Variants in RIMBP2 observed in about 807,000 individuals in gnomAD.
RIMBP2 encodes the protein RIMS binding protein 2, also known as RIMS-binding protein 2.
In RIMBP2, 48 loss-of-function variants were observed where a neutral mutation model predicts 118.6. The observed-to-expected ratio is 0.40, with a 90% CI of 0.32 to 0.51. The LOEUF is 0.51. Ranked by LOEUF, RIMBP2 falls within the 20% of genes least tolerant of loss-of-function variation. The probability of loss-of-function intolerance (pLI) is 0.41; values close to 1 mark genes in which losing one functional copy is unlikely to be tolerated. For synonymous variants in RIMBP2, 762 were observed against 742.9 expected (o/e 1.03, Z -0.42); for missense variants, 1,551 against 1,768.3 (o/e 0.88, Z 2.20).
chr12:130,484,062 C>G (rs562081800), intron 4 of RIMBP2, among the ~76,000 whole-genome samples: 29 of 152,326 alleles, frequency 1.9e-4, no homozygotes, highest in African/African-American at 6.7e-4. Context: ...GAAGGATAGA[C>G]TGGAGGCGAA....
intron 2 of RIMBP2, among the ~76,000 whole-genome samples, chr12:130,582,493 C>A (rs1403642143): frequency 6.6e-6 from 1 of 152,208 alleles, no homozygotes; most frequent in Admixed American, 6.5e-5. Flanking sequence ...AAGCATGCAT[C>A]CCCCAAGAGG....
At chr12:130,400,060 T>C (rs2074382175) in intron 21 of RIMBP2, among the ~76,000 whole-genome samples, 1 of 152,202 alleles carries the variant, frequency 6.6e-6, no homozygotes, top group Admixed American at 6.5e-5. Flanking sequence ...ATCTGCCTTT[T>C]GGCCAAAGAG....
At chr12:130,687,040 C>T (rs2065084597) in intron 1 of RIMBP2, among the ~76,000 whole-genome samples, 1 of 152,218 alleles carries the variant, frequency 6.6e-6, no homozygotes, top group African/African-American at 2.4e-5. Flanking sequence ...ACTACATTTT[C>T]TTTTCAGCTA....
chr12:130,487,580 GCTT>G (rs1395772952), intron 4 of RIMBP2, among the ~76,000 whole-genome samples: 1 of 152,124 alleles, frequency 6.6e-6, no homozygotes, highest in Non-Finnish European at 1.5e-5. Flanking sequence ...AGATAAATTC[GCTT>G]CTTTTCTTTA....
At chr12:130,639,246 G>A (rs996357788) in intron 1 of RIMBP2, among the ~76,000 whole-genome samples, 15 of 151,702 alleles carry the variant, frequency 9.9e-5, no homozygotes, top group African/African-American at 2.4e-4. Flanking sequence ...AAAATTAGCC[G>A]GGCATGGTGG....
intron 2 of RIMBP2, among the ~76,000 whole-genome samples, chr12:130,553,152 CA>C (rs56149968): frequency 0.096 from 10,910 of 113,874 alleles, 530 homozygotes; most frequent in South Asian, 0.2. Flanking sequence ...GACTCCATCT[CA>C]AAAAAAAAAA....
intron 17 of RIMBP2, among the ~76,000 whole-genome samples, chr12:130,414,966 AC>A (rs2076015475): frequency 1.3e-5 from 2 of 152,204 alleles, no homozygotes; most frequent in Admixed American, 1.3e-4. Context: ...GCTGAATTCT[AC>A]CAACATACAA....
intron 2 of RIMBP2, among the ~76,000 whole-genome samples, chr12:130,619,997 A>T (rs1344775744): frequency 6.6e-6 from 1 of 152,146 alleles, no homozygotes; most frequent in Non-Finnish European, 1.5e-5. Context: ...GCTGTGCTGA[A>T]ATCTGCCCCC....
intron 1 of RIMBP2, among the ~76,000 whole-genome samples, chr12:130,641,888 C>T (rs559512224): frequency 9.9e-5 from 15 of 152,242 alleles, no homozygotes; most frequent in Admixed American, 4.6e-4. Context: ...CAGGGCCATC[C>T]GAGGATGGGG....
intron 2 of RIMBP2, among the ~76,000 whole-genome samples, chr12:130,610,441 C>T (rs920600860): frequency 1.3e-5 from 2 of 151,802 alleles, no homozygotes; most frequent in African/African-American, 4.8e-5. Context: ...ATTTAATAAA[C>T]ACTTATCTCT....
intron 7 of RIMBP2, among the ~76,000 whole-genome samples, chr12:130,456,120 A>G (rs1472615922): frequency 6.6e-6 from 1 of 152,250 alleles, no homozygotes; most frequent in Non-Finnish European, 1.5e-5. Flanking sequence ...TGGAGTACCC[A>G]GCCAAGAAAT....
rs939962362 is a variant in RIMBP2 at position 130,450,337 on chromosome 12, G to A, written c.505-61C>T. On this transcript the variant is annotated intron_variant, in intron 8 of 22. Coordinates refer to ENST00000690449, the MANE Select transcript of RIMBP2 (RefSeq NM_001393629.1). This position sits in a 1 kb window ranked among gnomAD's most constrained non-coding sequence, Gnocchi z 4.8. ...GCTGGAGGTGTCCCACCCCATTCCCGCGGCACACGGGAAAGCCCCTCGCAG... is the reference window on the plus strand; with the variant it reads ...GCTGGAGGTGTCCCACCCCATTCCCACGGCACACGGGAAAGCCCCTCGCAG... 10 of 1,299,292 alleles carry A rather than the reference G, an allele frequency of 7.7e-6. No individual in the cohort carries two copies. The highest frequency in any genetic ancestry group is 2.5e-5 in the South Asian group (2 of 80,146). 80.5% of individuals were successfully genotyped at this position (1,299,292 alleles called of 1,614,324 possible).
At chr12:130,646,440 T>TC (rs1305504375) in intron 1 of RIMBP2, among the ~76,000 whole-genome samples, 3 of 111,188 alleles carry the variant, frequency 2.7e-5, no homozygotes, top group Admixed American at 1.1e-4. Flanking sequence ...TCCACCTCCC[T>TC]TGCCACCTCC....
chr12:130,669,746 G>A (rs528907188), intron 1 of RIMBP2, among the ~76,000 whole-genome samples: 5 of 152,306 alleles, frequency 3.3e-5, no homozygotes, highest in Admixed American at 2.0e-4. Context: ...GAATGCAGGA[G>A]CTCTTTCCTA....
At chr12:130,694,185 G>A (rs922127776) in intron 1 of RIMBP2, among the ~76,000 whole-genome samples, 2 of 152,216 alleles carry the variant, frequency 1.3e-5, no homozygotes, top group Non-Finnish European at 2.9e-5. Context: ...CCAAGAGGCT[G>A]CACAAACCAG....
At chr12:130,545,925 A>C (rs1193290477) in intron 2 of RIMBP2, among the ~76,000 whole-genome samples, 1 of 152,128 alleles carries the variant, frequency 6.6e-6, no homozygotes, top group Non-Finnish European at 1.5e-5. Context: ...AGGGCTCATC[A>C]AAAAGGACTT....
rs2052389094 is a variant in RIMBP2 at position 130,523,401 on chromosome 12, T to C, written c.-216-5484A>G. Among the ~76,000 whole-genome samples the C allele has an allele frequency of 6.6e-6, 1 of 152,218 alleles. No individual in the cohort carries two copies. The highest frequency in any genetic ancestry group is 1.5e-5 in the Non-Finnish European group (1 of 68,038). ...GCTCTGTCATTTAAGCTGCCCGGTC[T>C]GTGGGATCCTGCTATGGCAGCCTGA... On this transcript the variant is annotated intron_variant, in intron 2 of 22. Coordinates refer to ENST00000690449, the MANE Select transcript of RIMBP2 (RefSeq NM_001393629.1). The surrounding 1 kb of genome is among the most constrained non-coding windows in gnomAD (Gnocchi z 4.4).
Position 130,419,810 on chromosome 12 carries a change from C to T in RIMBP2, c.3238+2643G>A, listed in dbSNP as rs1175320228. ...GCTACAGGCCTTCTGTCTGACAGGT[C>T]AACAACTAGATAAATGCAAAGACCA... On this transcript the variant is annotated intron_variant, in intron 17 of 22. Transcript: ENST00000690449. This position sits in a 1 kb window ranked among gnomAD's most constrained non-coding sequence, Gnocchi z 4.3. 1 of 152,024 alleles carries T rather than the reference C, an allele frequency of 6.6e-6. No homozygotes were observed. Among genetic ancestry groups the T allele is most frequent in the East Asian group, 1.9e-4 (1 of 5,174 alleles). The allele number at this position is 152,024 out of a possible 1,614,324, so 9.4% of individuals were successfully genotyped here.
In RIMBP2 at chr12:130,484,368, T is replaced by C. The variant is rs528071706; in HGVS notation, c.-3-5352A>G. On this transcript the variant is annotated intron_variant, in intron 4 of 22. Transcript: ENST00000690449. ...CCTTCACACGTGTTGCTCTCCCTGC[T>C]AGCCTGACTCTCACGTTCCAGCCTT... Among the ~76,000 whole-genome samples the C allele has an allele frequency of 3.3e-5, 5 of 152,332 alleles. No individual in the cohort carries two copies. In the South Asian group the frequency reaches 1.0e-3, roughly 32 times the overall value.
Sources: gnomAD v4.1 joint callset for allele counts (sites outside exome capture counted in the v4.1 genomes callset) on GRCh38, gnomAD v4.1.1 for gene constraint, Gnocchi (gnomAD v3.1) non-coding constraint, MANE v1.5 for transcripts, NCBI Gene and HGNC (gene_info 2026-07-23, HGNC 2026-07-21) for gene names.